Variants in ZNF500 observed in about 807,000 individuals in gnomAD.
The protein encoded by ZNF500 is zinc finger protein with KRAB and SCAN domains 18.
A neutral mutation model predicts 30.1 loss-of-function variants in ZNF500; 31 were observed. The observed-to-expected ratio is 1.03, with a 90% CI of 0.77 to 1.39. The LOEUF (loss-of-function observed/expected upper bound fraction) is 1.39, where lower values mean the gene tolerates loss of function less well. Among genes scored for constraint, ZNF500 ranks in the 40% most tolerant of loss-of-function variants. The probability of loss-of-function intolerance (pLI) is 0.00; values close to 1 mark genes in which losing one functional copy is unlikely to be tolerated. For synonymous variants in ZNF500, 392 were observed against 282.0 expected, an observed-to-expected ratio of 1.39 and a Z score of -3.91; for missense variants, 817 against 657.8, an observed-to-expected ratio of 1.24 and a Z score of -2.65.
downstream of ZNF500, chr16:4,746,367 C>T: frequency 6.2e-7 from 1 of 1,608,450 alleles, no homozygotes; most frequent in South Asian, 1.1e-5. Flanking sequence ...CTGCTTTTCT[C>T]ATTTCAGATG....
Position 4,758,859 on chromosome 16 carries a change from T to C in ZNF500, c.760+1633A>G, listed in dbSNP as rs117767261. Among the ~76,000 whole-genome samples the C allele has an allele frequency of 2.0e-5, 3 of 152,240 alleles. No homozygotes were observed. In the East Asian group the frequency reaches 5.8e-4, roughly 29 times the overall value. On this transcript the variant is annotated intron_variant, in intron 5 of 5. Transcript: ENST00000219478. ...TGGACACTAGAACCAAAAACTTTTGTGCATGAAAGGACGCTACCAACAAAA... is the reference window on the plus strand; with the variant it reads ...TGGACACTAGAACCAAAAACTTTTGCGCATGAAAGGACGCTACCAACAAAA...
rs902788124 is a variant in ZNF500, at chr16:4,750,940, A to G, written c.*1436T>C. 6.6e-6 allele frequency: 1 copy of G among 152,054 alleles called. No individual in the cohort carries two copies. Among genetic ancestry groups the G allele is most frequent in the Non-Finnish European group, 1.5e-5 (1 of 68,116 alleles). The allele number at this position is 152,054 out of a possible 1,614,324, so 9.4% of individuals were successfully genotyped here. On this transcript the variant is annotated 3_prime_UTR_variant, in exon 6 of 6. Transcript: ENST00000219478. The stretch of plus-strand genomic sequence containing the variant: ...GGAGCCACTGTGCTCGGCCTCTGAC[A>G]CTAAATAATGTCAGTTAAGGGAATG...
In ZNF500 at chr16:4,762,671, T is replaced by C. The variant is rs2082219342; in HGVS notation, c.500A>G (p.Asp167Gly). 1.9e-6 allele frequency: 3 copies of C among 1,614,064 alleles called. No homozygotes were observed. Among genetic ancestry groups the C allele is most frequent in the Admixed American group, 3.3e-5 (2 of 60,016 alleles). Residue 167 changes from aspartate (D) to glycine (G), a missense_variant, in exon 3 of 6, where the codon GAT (aspartate) becomes GGT (glycine). Transcript: ENST00000219478. ...LKHQAEAQPE[D>G]LSLEEEARFS... ...TCGAGCCTCTTCCTCCAGGGACAGA[T>C]CCTCTGGCTGAGCCTCTGCCTGGTG... is the stretch of plus-strand genomic sequence containing the variant.
chr16:4,762,178 C>T (rs1041922119), intron 4 of ZNF500, 93 bp downstream of exon 4: 2 of 1,428,240 alleles, frequency 1.4e-6, no homozygotes, highest in Admixed American at 2.0e-5. Flanking sequence ...AAACCTTGGC[C>T]CCCAGGAGAG....
intron 5 of ZNF500, among the ~76,000 whole-genome samples, chr16:4,754,477 T>C (rs1426789741): frequency 2.0e-5 from 3 of 151,814 alleles, no homozygotes; most frequent in South Asian, 2.1e-4. Flanking sequence ...CTGGCCAACA[T>C]GGTGAAACCC....
downstream of ZNF500, chr16:4,747,558 C>G (rs747816676): frequency 6.2e-7 from 1 of 1,612,112 alleles, no homozygotes. Context: ...AGGCCCAGAG[C>G]CCTGGGGGAT....
Position 4,760,493 on chromosome 16 carries a change from T to G in ZNF500, c.759A>C (p.Glu253Asp), listed in dbSNP as rs748849863. ...PAQRDAPLENEGPGIQLEDGG... is the reference protein window; with the variant it reads ...PAQRDAPLENDGPGIQLEDGG... Reference sequence around the variant, plus strand: ...AGGACACAATCACTTGCAAGTTACCTTCATTCTCCAGCGGCGCGTCCCGCT... The same window carrying G: ...AGGACACAATCACTTGCAAGTTACCGTCATTCTCCAGCGGCGCGTCCCGCT... Residue 253 changes from glutamate to aspartate, a missense_variant and splice_region_variant, in exon 5 of 6, where the codon GAA (glutamate) becomes GAC (aspartate). Coordinates refer to ENST00000219478, the MANE Select transcript of ZNF500 (RefSeq NM_021646.4). 2.4e-5 allele frequency: 39 copies of G among 1,613,430 alleles called. No individual in the cohort carries two copies. The highest frequency in any genetic ancestry group is 3.2e-5 in the Non-Finnish European group (38 of 1,179,650).
chr16:4,760,561 C>G lies in ZNF500; in HGVS notation c.691G>C (p.Val231Leu), dbSNP rs777869235. ...QVPVNLEDVA[V>L]YLSGEEPRCM... ...CTTGGCTCCTCCCCAGAAAGGTATA[C>G]AGCCACGTCCTCCAAGTTCACGGGC... Residue 231 changes from valine to leucine, a missense_variant, in exon 5 of 6, where the codon GTA (valine) becomes CTA (leucine). Transcript: ENST00000219478. 14 of 1,613,518 alleles carry G rather than the reference C, an allele frequency of 8.7e-6. No homozygotes were observed. In the Admixed American group the frequency reaches 2.0e-4, roughly 23 times the overall value.
intron 5 of ZNF500, 200 bp from the exon 6 acceptor site, chr16:4,753,258 C>A: frequency 1.8e-6 from 2 of 1,086,368 alleles, no homozygotes; most frequent in Non-Finnish European, 2.5e-6. Context: ...CCCAGGAGTT[C>A]AAGACCAGCT....
Position 4,751,114 on chromosome 16 carries a change from C to T in ZNF500, c.*1262G>A, listed in dbSNP as rs551494171. On this transcript the variant is annotated 3_prime_UTR_variant, in exon 6 of 6. Coordinates refer to ENST00000219478, the MANE Select transcript of ZNF500 (RefSeq NM_021646.4). ...ACCTACCTATGAGGAACAACCACTG[C>T]CTGGCTGGAACGTTCCAGAACCCAG... The T allele has an allele frequency of 4.5e-5, 7 of 157,248 alleles. No homozygotes were observed. The highest frequency in any genetic ancestry group is 3.8e-4 in the East Asian group (2 of 5,234). 9.7% of individuals were successfully genotyped at this position (157,248 alleles called of 1,614,324 possible). A position where few individuals can be genotyped will look rare whatever the true frequency, so the allele number is the denominator to read the frequency against.
chr16:4,747,137 G>GC, downstream of ZNF500: 2 of 1,230,076 alleles, frequency 1.6e-6, no homozygotes, highest in Non-Finnish European at 2.3e-6. Flanking sequence ...TGCACCCACC[G>GC]CACAGGGTGA....
chr16:4,765,209 G>A (rs994780423), intron 2 of ZNF500, among the ~76,000 whole-genome samples: 4 of 152,076 alleles, frequency 2.6e-5, no homozygotes, highest in Non-Finnish European at 5.9e-5. Flanking sequence ...GCTGAGGTGG[G>A]AGGATTGCTT....
In ZNF500 at chr16:4,752,322, T is replaced by G. The variant is rs971932351; in HGVS notation, c.*54A>C. The G allele has an allele frequency of 8.3e-6, 12 of 1,439,388 alleles. No homozygotes were observed. Among genetic ancestry groups the G allele is most frequent in the Non-Finnish European group, 1.1e-5 (12 of 1,101,358 alleles). 89.2% of individuals were successfully genotyped at this position (1,439,388 alleles called of 1,614,324 possible). ...CGGACCAGGCTGTCTAGCAGTTTCCTGAATTCTGTGCCCAGGGATGAGAGT... is the reference window on the plus strand; with the variant it reads ...CGGACCAGGCTGTCTAGCAGTTTCCGGAATTCTGTGCCCAGGGATGAGAGT... On this transcript the variant is annotated 3_prime_UTR_variant, in exon 6 of 6. Coordinates refer to ENST00000219478, the MANE Select transcript of ZNF500 (RefSeq NM_021646.4).
downstream of ZNF500, chr16:4,746,821 C>G: frequency 1.9e-6 from 2 of 1,078,940 alleles, no homozygotes; most frequent in Non-Finnish European, 1.3e-6. Flanking sequence ...TGGCTGCTGA[C>G]CTCTTGCATT....
At chr16:4,747,355 G>C (rs118086912), downstream of ZNF500, 3 of 1,583,796 alleles carry the variant, frequency 1.9e-6, no homozygotes, top group African/African-American at 2.7e-5. Context: ...CCTGTACCGG[G>C]AAAAGCCAGC....
chr16:4,746,143 AC>A, downstream of ZNF500: 2 of 467,516 alleles, frequency 4.3e-6, no homozygotes, highest in Non-Finnish European at 7.5e-6. Context: ...GGCTACACTT[AC>A]CACAGATAGA....
Position 4,751,474 on chromosome 16 carries a change from CT to C in ZNF500, c.*901del, listed in dbSNP as rs201852708. ...TTTCCCGCCCCAGGTGTCTTCCGCC[CT>C]GCAGAGCAGCTATGGATCTGCAAAG... is the stretch of plus-strand genomic sequence containing the variant. On this transcript the variant is annotated 3_prime_UTR_variant, in exon 6 of 6. Transcript: ENST00000219478. 468 of 1,199,926 alleles carry C rather than the reference CT, an allele frequency of 3.9e-4. 3 individuals are homozygous for C. In the East Asian group the frequency reaches 0.011, roughly 29 times the overall value. The allele number at this position is 1,199,926 out of a possible 1,614,324, so 74.3% of individuals were successfully genotyped here.
chr16:4,746,328 G>A (rs2082017153), downstream of ZNF500: 1 of 1,572,154 alleles, frequency 6.4e-7, no homozygotes, highest in South Asian at 1.2e-5. Context: ...AGGTCACAGA[G>A]TTATCACAGA....
chr16:4,764,140 C>T, intron 2 of ZNF500: 2 of 969,828 alleles, frequency 2.1e-6, no homozygotes, highest in Non-Finnish European at 2.5e-6. Context: ...TCAGAAGGGT[C>T]CTGTCTGTGC....
Sources: gnomAD v4.1 joint callset for allele counts (sites outside exome capture counted in the v4.1 genomes callset) on GRCh38, gnomAD v4.1.1 for gene constraint, MANE v1.5 for transcripts, NCBI Gene and HGNC (gene_info 2026-07-23, HGNC 2026-07-21) for gene names.